Variants in SGTB observed in about 807,000 individuals in gnomAD.
The protein encoded by SGTB is small glutamine rich tetratricopeptide repeat co-chaperone beta, also known as small glutamine-rich tetratricopeptide repeat-containing protein beta.
In SGTB, 19 loss-of-function variants were observed where a neutral mutation model predicts 43.9. The observed-to-expected ratio is 0.43, with a 90% CI of 0.30 to 0.63. SGTB has a LOEUF of 0.63. Ranked by LOEUF, SGTB falls within the 30% of genes least tolerant of loss-of-function variation. The probability of loss-of-function intolerance (pLI) is 0.12; values close to 1 mark genes in which losing one functional copy is unlikely to be tolerated. For synonymous variants in SGTB, 116 were observed against 117.3 expected (o/e 0.99, Z 0.07); for missense variants, 304 against 358.9 (o/e 0.85, Z 1.24).
intron 5 of SGTB, among the ~76,000 whole-genome samples, chr5:65,697,644 A>G (rs1757737826): frequency 1.3e-5 from 2 of 152,196 alleles, no homozygotes; most frequent in Admixed American, 1.3e-4. Context: ...TGGATTTTCT[A>G]TTTTGGGGAG....
intron 5 of SGTB, among the ~76,000 whole-genome samples, chr5:65,694,989 T>C (rs1579869614): frequency 6.6e-6 from 1 of 152,122 alleles, no homozygotes; most frequent in East Asian, 1.9e-4. Context: ...TTATGCGTCA[T>C]GTTGAGGAGC....
At chr5:65,687,417 T>C (rs1031620918) in intron 5 of SGTB, among the ~76,000 whole-genome samples, 2 of 152,222 alleles carry the variant, frequency 1.3e-5, no homozygotes, top group African/African-American at 4.8e-5. Context: ...TATACTTCAA[T>C]GGGTGACACA....
intron 5 of SGTB, among the ~76,000 whole-genome samples, chr5:65,701,009 CAAAAAAAAAAAAAA>C (rs1161067337): frequency 1.7e-3 from 28 of 16,086 alleles, no homozygotes; most frequent in Admixed American, 4.4e-3. Context: ...GACTCCGTCT[CAAAAAAAAAAAAAA>C]AAAAAAAAAA....
chr5:65,692,328 C>G (rs1757629809), intron 5 of SGTB, among the ~76,000 whole-genome samples: 1 of 152,124 alleles, frequency 6.6e-6, no homozygotes, highest in African/African-American at 2.4e-5. Flanking sequence ...ATTCACATCA[C>G]CAAACCCTAC....
Position 65,680,565 on chromosome 5 carries a change from C to A in SGTB, c.619-9G>T. On this transcript the variant is annotated splice_polypyrimidine_tract_variant and intron_variant, in intron 7 of 10. Coordinates refer to ENST00000381007, the MANE Select transcript of SGTB (RefSeq NM_019072.3). ...CTCAGTCCAGTTCCTGTCTGTAAAA[C>A]AATTATATCTGAGAATCAGTCCAGT... is the stretch of plus-strand genomic sequence containing the variant. 1 of 1,614,048 alleles carries A rather than the reference C, an allele frequency of 6.2e-7. No homozygotes were observed. Among genetic ancestry groups the A allele is most frequent in the Non-Finnish European group, 8.5e-7 (1 of 1,179,978 alleles).
chr5:65,719,081 C>T (rs1366658551), intron 2 of SGTB, among the ~76,000 whole-genome samples: 2 of 152,170 alleles, frequency 1.3e-5, no homozygotes, highest in Non-Finnish European at 2.9e-5. Context: ...TGTTCTCCAA[C>T]TGTGCATCAC....
At chr5:65,694,464 C>T (rs1463908653) in intron 5 of SGTB, among the ~76,000 whole-genome samples, 1 of 152,024 alleles carries the variant, frequency 6.6e-6, no homozygotes, top group Non-Finnish European at 1.5e-5. Context: ...GAAGCAACAC[C>T]TAACAGGGTT....
At chr5:65,681,576 T>C (rs532450322) in intron 6 of SGTB, among the ~76,000 whole-genome samples, 2 of 152,190 alleles carry the variant, frequency 1.3e-5, no homozygotes, top group African/African-American at 2.4e-5. Flanking sequence ...CAACCATGTA[T>C]GATACTTTAT....
In SGTB at chr5:65,680,788, G is replaced by C; in HGVS notation, c.486C>G (p.Ala162=). The change falls in exon 7 of 11, where the codon GCC becomes GCG. Residue 162 remains alanine, a synonymous_variant. Transcript: ENST00000381007. ...CTTCAAATTTATTCAAGGCAGTGAG[G>C]GCCAGCCTGAAGGGAATAGAATATA... is the stretch of plus-strand genomic sequence containing the variant. The part of the protein sequence containing the change: ...YSKAYGRMGL[A]LTALNKFEEA... 13 of 1,613,080 alleles carry C rather than the reference G, an allele frequency of 8.1e-6. No homozygotes were observed. The highest frequency in any genetic ancestry group is 1.1e-5 in the Non-Finnish European group (13 of 1,179,898).
At chr5:65,722,492 C>G, upstream of SGTB, 3 of 1,330,850 alleles carry the variant, frequency 2.3e-6, no homozygotes, top group Middle Eastern at 1.8e-4. Flanking sequence ...AGCCCGGACC[C>G]ACCCCTTCCC....
Position 65,671,896 on chromosome 5 carries a change from T to C in SGTB, c.803+19A>G, listed in dbSNP as rs1286908173. The C allele has an allele frequency of 1.2e-6, 2 of 1,609,470 alleles. No homozygotes were observed. The highest frequency in any genetic ancestry group is 1.7e-5 in the Admixed American group (1 of 59,688). ...ACATAAAATACATCTTCACTATTTC[T>C]GTTTTAAATAATACTTACGCTTGGA... On this transcript the variant is annotated intron_variant, in intron 10 of 10. Transcript: ENST00000381007.
rs146407384 is a variant in SGTB at position 65,670,264 on chromosome 5, G to A, written c.897C>T (p.Ser299=). Residue 299 remains serine (S), a synonymous_variant, in exon 11 of 11, where the codon AGC becomes AGT. Coordinates refer to ENST00000381007, the MANE Select transcript of SGTB (RefSeq NM_019072.3). ...GGTTAAATCAGGAATGCTCTTCAGC[G>A]CTGCTGCTGAATGATCTGCTCCGGA... ...NHIRSRSFSS[S]AEEHS The A allele has an allele frequency of 2.7e-4, 443 of 1,613,976 alleles. 2 individuals are homozygous for A. In the African/African-American group the frequency reaches 5.1e-3, roughly 19 times the overall value.
chr5:65,697,611 G>A (rs1757737196), intron 5 of SGTB, among the ~76,000 whole-genome samples: 2 of 152,116 alleles, frequency 1.3e-5, no homozygotes, highest in Admixed American at 1.3e-4. Context: ...ACAGCTAAGA[G>A]GATTCATTCT....
In SGTB at chr5:65,667,657, T is replaced by G. The variant is rs904517333; in HGVS notation, c.*2589A>C. 12 of 152,122 alleles carry G rather than the reference T, an allele frequency of 7.9e-5. No homozygotes were observed. Among genetic ancestry groups the G allele is most frequent in the Admixed American group, 7.2e-4 (11 of 15,270 alleles). 9.4% of individuals were successfully genotyped at this position (152,122 alleles called of 1,614,324 possible). A position where few individuals can be genotyped will look rare whatever the true frequency, so the allele number is the denominator to read the frequency against. On this transcript the variant is annotated 3_prime_UTR_variant, in exon 11 of 11. Coordinates refer to ENST00000381007, the MANE Select transcript of SGTB (RefSeq NM_019072.3). ...TTGTAGCTTTGTTTGGCCCAGGTGC[T>G]TAGGTGTTTGCAGGTCTGAGAAACC... is the stretch of plus-strand genomic sequence containing the variant.
chr5:65,691,443 G>A (rs1000185231), intron 5 of SGTB, among the ~76,000 whole-genome samples: 5 of 151,938 alleles, frequency 3.3e-5, no homozygotes, highest in African/African-American at 1.2e-4. Context: ...TTTTTTTTGA[G>A]ACAGTCTTGC....
In SGTB at chr5:65,668,939, T is replaced by C. The variant is rs985872216; in HGVS notation, c.*1307A>G. On this transcript the variant is annotated 3_prime_UTR_variant, in exon 11 of 11. Transcript: ENST00000381007. ...CCACAAAATTTATATTACTTCCTTT[T>C]TCAGTTTTCCCTCGTAAAACTTGTG... 4 of 152,082 alleles carry C rather than the reference T, an allele frequency of 2.6e-5. No individual in the cohort carries two copies. The highest frequency in any genetic ancestry group is 5.9e-5 in the Non-Finnish European group (4 of 68,014). 9.4% of individuals were successfully genotyped at this position (152,082 alleles called of 1,614,324 possible).
In SGTB at chr5:65,699,039, C is replaced by A. The variant is rs111867092; in HGVS notation, c.374+5240G>T. Among the ~76,000 whole-genome samples, 25 of 151,842 alleles carry A rather than the reference C, an allele frequency of 1.6e-4. 2 individuals are homozygous for A. The highest frequency in any genetic ancestry group is 6.1e-4 in the African/African-American group (25 of 41,306). On this transcript the variant is annotated intron_variant, in intron 5 of 10. Transcript: ENST00000381007. ...AGGAATCCCATTACTGGGTACCCACCCAAAGAAAAAAAAATCATTATATCC... is the reference window on the plus strand; with the variant it reads ...AGGAATCCCATTACTGGGTACCCACACAAAGAAAAAAAAATCATTATATCC...
upstream of SGTB, chr5:65,722,646 A>C (rs960435740): frequency 6.7e-5 from 35 of 523,134 alleles, no homozygotes; most frequent in East Asian, 8.8e-4. Context: ...TTTGTTTGGG[A>C]CTGCCTCAGC....
At chr5:65,690,307 T>G (rs969170384) in intron 5 of SGTB, among the ~76,000 whole-genome samples, 39 of 151,894 alleles carry the variant, frequency 2.6e-4, no homozygotes, top group African/African-American at 8.5e-4. Context: ...GGTGTAGTGG[T>G]GTACGCCTGT....
Sources: allele counts gnomAD v4.1 joint callset (sites outside exome capture counted in the v4.1 genomes callset), GRCh38; gene constraint gnomAD v4.1.1; transcripts MANE v1.5; gene names NCBI Gene and HGNC (gene_info 2026-07-23, HGNC 2026-07-21).